The following PALM2AKAP2 variants were observed in gnomAD, a reference collection of about 807,000 sequenced individuals.
The protein encoded by PALM2AKAP2 is PALM2-AKAP2 fusion protein.
A neutral mutation model predicts 71.5 loss-of-function variants in PALM2AKAP2; 37 were observed. The ratio of observed to expected loss-of-function variants is 0.52; its 90% CI spans 0.40 to 0.68. The LOEUF is 0.68. PALM2AKAP2 is among the 30% of genes least tolerant of loss of function. The pLI is 0.00. For missense variants in PALM2AKAP2, 1,224 were observed against 1,191.8 expected (o/e 1.03, Z -0.40); for synonymous variants, 468 against 478.8 (o/e 0.98, Z 0.29).
chr9:110,169,701 T>C (rs987358866), exon 4 of PALM2AKAP2: 7 of 152,454 alleles, frequency 4.6e-5, no homozygotes, highest in African/African-American at 1.7e-4. Flanking sequence ...AGAATAGAAA[T>C]AAGTGCAGGC....
chr9:109,873,873 G>A (rs1829661793), intron 2 of PALM2AKAP2, among the ~76,000 whole-genome samples: 1 of 152,098 alleles, frequency 6.6e-6, no homozygotes, highest in African/African-American at 2.4e-5. Context: ...TGGGCACAGT[G>A]GTTCATGCCT....
intron 1 of PALM2AKAP2, among the ~76,000 whole-genome samples, chr9:109,665,580 G>T (rs1237863169): frequency 1.3e-5 from 2 of 152,136 alleles, no homozygotes; most frequent in African/African-American, 4.8e-5. Flanking sequence ...CAGAGGGGCA[G>T]CCGCCTATAT....
chr9:110,032,431 G>A (rs1245536604), intron 7 of PALM2AKAP2, among the ~76,000 whole-genome samples: 1 of 151,928 alleles, frequency 6.6e-6, no homozygotes, highest in African/African-American at 2.4e-5. Flanking sequence ...GGTGGCTTAC[G>A]CCTGTAATCC....
intron 7 of PALM2AKAP2, among the ~76,000 whole-genome samples, chr9:110,036,848 C>G (rs190172609): frequency 1.3e-5 from 2 of 152,136 alleles, no homozygotes; most frequent in Non-Finnish European, 2.9e-5. Flanking sequence ...TGCTTTTCCC[C>G]TTGATGTCTC....
At chr9:110,095,761 T>C (rs1422096468) in intron 1 of PALM2AKAP2, among the ~76,000 whole-genome samples, 2 of 152,228 alleles carry the variant, frequency 1.3e-5, no homozygotes, top group Admixed American at 1.3e-4. Context: ...TGCTTTTTTC[T>C]AGGCTGAATC....
intron 6 of PALM2AKAP2, among the ~76,000 whole-genome samples, chr9:109,977,146 G>C (rs946774266): frequency 3.3e-5 from 5 of 152,176 alleles, no homozygotes; most frequent in African/African-American, 9.7e-5. Flanking sequence ...CCTGGGACCA[G>C]ACACGGAGAA....
At chr9:110,068,790 C>T (rs973098079) in intron 1 of PALM2AKAP2, among the ~76,000 whole-genome samples, 1 of 151,988 alleles carries the variant, frequency 6.6e-6, no homozygotes, top group Admixed American at 6.5e-5. Flanking sequence ...GCCTTGGCCT[C>T]CCAAAGTGTT....
At chr9:109,950,364 T>A (rs1279592867) in intron 6 of PALM2AKAP2, among the ~76,000 whole-genome samples, 1 of 152,036 alleles carries the variant, frequency 6.6e-6, no homozygotes, top group Non-Finnish European at 1.5e-5. Context: ...ATTTTTAGAG[T>A]TAAGTAGATA....
chr9:109,662,968 G>A (rs1029113372), intron 1 of PALM2AKAP2, among the ~76,000 whole-genome samples: 2 of 152,274 alleles, frequency 1.3e-5, no homozygotes, highest in Non-Finnish European at 2.9e-5. Flanking sequence ...GGTGTTTATA[G>A]TATTCTCTGA....
chr9:109,725,365 C>G (rs967146079), intron 1 of PALM2AKAP2, among the ~76,000 whole-genome samples: 1 of 152,040 alleles, frequency 6.6e-6, no homozygotes, highest in Non-Finnish European at 1.5e-5. Context: ...GTTTATAGCA[C>G]GTTAAATTTT....
chr9:109,661,609 C>G (rs963982322), intron 1 of PALM2AKAP2, among the ~76,000 whole-genome samples: 1 of 152,152 alleles, frequency 6.6e-6, no homozygotes, highest in Non-Finnish European at 1.5e-5. Context: ...ATGCCTCCAG[C>G]TTTGTGCTTT....
chr9:109,643,983 G>A lies in PALM2AKAP2; in HGVS notation c.5+3117G>A, dbSNP rs115535599. On this transcript the variant is annotated intron_variant, in intron 1 of 6. Coordinates refer to the PALM2AKAP2 transcript ENST00000374531. ...GGCAAGTTGTATGGTGGGAGCAGGAGCAAGAGCAAGGGGTGGCGGGGGTGT... is the reference window on the plus strand; with the variant it reads ...GGCAAGTTGTATGGTGGGAGCAGGAACAAGAGCAAGGGGTGGCGGGGGTGT... 5.0e-3 allele frequency among the ~76,000 whole-genome samples: 709 copies of A among 142,872 alleles called. 6 individuals carry two copies. The highest frequency in any genetic ancestry group is 0.018 in the African/African-American group (667 of 37,162). 93.7% of individuals were successfully genotyped at this position (142,872 alleles called of 152,430 possible).
intron 6 of PALM2AKAP2, among the ~76,000 whole-genome samples, chr9:109,935,585 C>G (rs147341253): frequency 1.3e-5 from 2 of 152,320 alleles, no homozygotes; most frequent in East Asian, 3.9e-4. Flanking sequence ...TGCATAGTTT[C>G]TGCTTGATTA....
intron 6 of PALM2AKAP2, among the ~76,000 whole-genome samples, chr9:109,964,982 T>C (rs1831919155): frequency 6.6e-6 from 1 of 152,232 alleles, no homozygotes; most frequent in African/African-American, 2.4e-5. Flanking sequence ...CTTGCCATTG[T>C]CATTACCATC....
At chr9:109,660,073 G>A (rs1376320076) in intron 1 of PALM2AKAP2, among the ~76,000 whole-genome samples, 2 of 152,090 alleles carry the variant, frequency 1.3e-5, no homozygotes, top group Non-Finnish European at 1.5e-5. Context: ...GGCTCAAGGA[G>A]TCCTCCCATG....
chr9:109,985,221 T>G (rs988178646), intron 6 of PALM2AKAP2, among the ~76,000 whole-genome samples: 1 of 151,954 alleles, frequency 6.6e-6, no homozygotes, highest in Non-Finnish European at 1.5e-5. Context: ...ACTAGATATT[T>G]TGCACGTTAC....
intron 6 of PALM2AKAP2, among the ~76,000 whole-genome samples, chr9:109,999,660 C>A (rs2132270368): frequency 6.6e-6 from 1 of 152,352 alleles, no homozygotes; most frequent in East Asian, 1.9e-4. Flanking sequence ...AGTTCCTGCC[C>A]ACAGGTGCTT....
intron 2 of PALM2AKAP2, among the ~76,000 whole-genome samples, chr9:110,151,551 A>T (rs1244772363): frequency 6.6e-6 from 1 of 152,112 alleles, no homozygotes; most frequent in East Asian, 1.9e-4. Context: ...TTGACCAAAG[A>T]TTTTTTTCTT....
chr9:110,153,021 G>A (rs1353818147), intron 2 of PALM2AKAP2, among the ~76,000 whole-genome samples: 2 of 152,156 alleles, frequency 1.3e-5, no homozygotes, highest in East Asian at 1.9e-4. Context: ...TATCCAAAGC[G>A]ACCATTCTCA....
Sources: gnomAD v4.1 joint callset for allele counts (sites outside exome capture counted in the v4.1 genomes callset) on GRCh38, gnomAD v4.1.1 for gene constraint, MANE v1.5 for transcripts, NCBI Gene and HGNC (gene_info 2026-07-23, HGNC 2026-07-21) for gene names.